ESR1: variants seen among roughly 807,000 people sequenced by gnomAD.
The protein encoded by ESR1 is estrogen receptor 1.
ESR1 carries 12 observed loss-of-function variants against 52.7 expected under a neutral mutation model. The ratio of observed to expected loss-of-function variants is 0.23; its 90% CI spans 0.15 to 0.37. ESR1 has a LOEUF of 0.37. ESR1 is among the 10% of genes least tolerant of loss of function. The pLI, the probability that ESR1 is intolerant of heterozygous loss-of-function variation, is 1.00. For synonymous variants in ESR1, 305 were observed against 316.8 expected, an observed-to-expected ratio of 0.96 and a Z score of 0.39; for missense variants, 584 against 779.7, an observed-to-expected ratio of 0.75 and a Z score of 2.99.
intron 3 of ESR1, among the ~76,000 whole-genome samples, chr6:151,901,475 A>G (rs116133434): frequency 0.021 from 3,135 of 152,178 alleles, 105 homozygotes; most frequent in African/African-American, 0.072. Flanking sequence ...GTTTGGTTGG[A>G]ATTGTTACAA....
At chr6:151,711,459 G>T in intron 2 of ESR1, among the ~76,000 whole-genome samples, 1 of 152,124 alleles carries the variant, frequency 6.6e-6, no homozygotes, top group East Asian at 1.9e-4. Flanking sequence ...CTGACCTCGT[G>T]ATCCACCTGC....
At chr6:151,856,898 T>A (rs150049774) in intron 2 of ESR1, among the ~76,000 whole-genome samples, 15 of 152,308 alleles carry the variant, frequency 9.8e-5, no homozygotes, top group African/African-American at 3.4e-4. Flanking sequence ...GGCATCAGTG[T>A]CAAACTTCCT....
intron 6 of ESR1, among the ~76,000 whole-genome samples, chr6:152,111,128 C>T (rs1012260346): frequency 3.3e-5 from 5 of 152,178 alleles, no homozygotes; most frequent in African/African-American, 1.2e-4. Context: ...ACCCTCCCCC[C>T]GTTGCCACAA....
At chr6:152,093,508 T>C (rs2050370932) in intron 6 of ESR1, among the ~76,000 whole-genome samples, 1 of 152,114 alleles carries the variant, frequency 6.6e-6, no homozygotes, top group African/African-American at 2.4e-5. Flanking sequence ...GAAAAAACTT[T>C]TGTCTCACAA....
chr6:151,947,331 A>T (rs1165135469), intron 4 of ESR1, among the ~76,000 whole-genome samples: 1 of 152,150 alleles, frequency 6.6e-6, no homozygotes, highest in Non-Finnish European at 1.5e-5. Flanking sequence ...TAAATAAATA[A>T]AGAAGGAAAT....
At position 152,099,851 on chromosome 6, in the gene ESR1, G is replaced by A; in HGVS notation, c.*885G>A. On this transcript the variant is annotated 3_prime_UTR_variant, in exon 8 of 8. Transcript: ENST00000206249. ...TTCAGGACCTGTTCCAGTGGGCACT[G>A]TACTTGGATCTTCCCGGCGTGTGTG... 2 of 396,804 alleles carry A rather than the reference G, an allele frequency of 5.0e-6. No individual in the cohort carries two copies. The highest frequency in any genetic ancestry group is 8.9e-6 in the Non-Finnish European group (2 of 225,408). The allele number at this position is 396,804 out of a possible 1,614,324, so 24.6% of individuals were successfully genotyped here. A position where few individuals can be genotyped will look rare whatever the true frequency, so the allele number is the denominator to read the frequency against.
intron 1 of ESR1, among the ~76,000 whole-genome samples, chr6:151,677,331 C>T (rs752354392): frequency 6.6e-6 from 1 of 152,328 alleles, no homozygotes; most frequent in Middle Eastern, 3.4e-3. Flanking sequence ...CCTTTATTTC[C>T]CTTTCTGTAA....
intron 5 of ESR1, among the ~76,000 whole-genome samples, chr6:152,028,404 G>A (rs1318767041): frequency 6.6e-6 from 1 of 152,202 alleles, no homozygotes; most frequent in Non-Finnish European, 1.5e-5. Flanking sequence ...GCCAAGGAAA[G>A]GGGTGACAGA....
upstream of ESR1, among the ~76,000 whole-genome samples, chr6:151,688,095 T>A (rs576938828): frequency 2.6e-5 from 4 of 152,196 alleles, no homozygotes; most frequent in African/African-American, 7.2e-5. Context: ...ATATATATAT[T>A]TTCCCTATAA....
chr6:151,968,618 G>A (rs1335371703), intron 4 of ESR1, among the ~76,000 whole-genome samples: 2 of 151,796 alleles, frequency 1.3e-5, no homozygotes, highest in African/African-American at 2.4e-5. Flanking sequence ...TCTTTCTCTC[G>A]ATTTTCCAGT....
intron 5 of ESR1, among the ~76,000 whole-genome samples, chr6:152,044,571 C>T (rs906849994): frequency 1.4e-4 from 17 of 122,792 alleles, no homozygotes; most frequent in South Asian, 3.0e-4. Context: ...GCCGACAGTG[C>T]GGCCTTCAGT....
At chr6:151,880,347 T>G (rs529940669) in intron 2 of ESR1, among the ~76,000 whole-genome samples, 1 of 142,066 alleles carries the variant, frequency 7.0e-6, no homozygotes, top group African/African-American at 2.6e-5. Context: ...CATACCCAGG[T>G]TTTTTTTGTA....
intron 3 of ESR1, among the ~76,000 whole-genome samples, chr6:151,894,248 G>GT (rs966095696): frequency 6.6e-5 from 10 of 151,036 alleles, no homozygotes; most frequent in East Asian, 3.9e-4. Flanking sequence ...GGGATTGTTT[G>GT]TTTTTTTTCT....
chr6:151,728,957 A>G (rs1782042791), intron 2 of ESR1, among the ~76,000 whole-genome samples: 1 of 152,258 alleles, frequency 6.6e-6, no homozygotes, highest in South Asian at 2.1e-4. Flanking sequence ...TCAGACACCA[A>G]AATGAAAAAT....
At chr6:152,125,371 C>T (rs1229969862) in exon 7 of ESR1, 2 of 1,544,560 alleles carry the variant, frequency 1.3e-6, no homozygotes, top group East Asian at 2.4e-5. Flanking sequence ...TAAGGCCTCA[C>T]AGTATCCTGC....
At chr6:151,731,192 A>T (rs1782211070) in intron 2 of ESR1, among the ~76,000 whole-genome samples, 1 of 152,064 alleles carries the variant, frequency 6.6e-6, no homozygotes, top group African/African-American at 2.4e-5. Flanking sequence ...CCCCGTGTCT[A>T]CTAAAAATAT....
At chr6:152,091,695 T>G (rs1020436980) in intron 6 of ESR1, among the ~76,000 whole-genome samples, 1 of 152,054 alleles carries the variant, frequency 6.6e-6, no homozygotes, top group African/African-American at 2.4e-5. Context: ...CATGGTGAAA[T>G]GCTGTCTCTT....
chr6:152,005,109 G>A (rs1403775042), intron 4 of ESR1, among the ~76,000 whole-genome samples: 1 of 152,012 alleles, frequency 6.6e-6, no homozygotes, highest in Non-Finnish European at 1.5e-5. Context: ...AGCAAACATA[G>A]TGTGGAGGGC....
chr6:151,722,594 T>C (rs897214313), intron 2 of ESR1, among the ~76,000 whole-genome samples: 2 of 152,186 alleles, frequency 1.3e-5, no homozygotes, highest in East Asian at 3.8e-4. Context: ...CTTAAAACAG[T>C]AATGATCACA....
Sources: allele counts gnomAD v4.1 joint callset (sites outside exome capture counted in the v4.1 genomes callset), GRCh38; gene constraint gnomAD v4.1.1; transcripts MANE v1.5; gene names NCBI Gene and HGNC (gene_info 2026-07-23, HGNC 2026-07-21).